Variants in CFAP299 observed in about 807,000 individuals in gnomAD.
The protein encoded by CFAP299 is cilia and flagella associated protein 299.
CFAP299 carries 21 observed loss-of-function variants against 27.0 expected under a neutral mutation model. The ratio of observed to expected loss-of-function variants is 0.78; its 90% CI spans 0.55 to 1.12. The LOEUF (loss-of-function observed/expected upper bound fraction) is 1.12. Ranked by LOEUF, CFAP299 falls within the 50% of genes most tolerant of loss-of-function variation. The pLI is 0.00. For missense variants in CFAP299, 310 were observed against 276.6 expected, an observed-to-expected ratio of 1.12 and a Z score of -0.86; for synonymous variants, 104 against 98.1, an observed-to-expected ratio of 1.06 and a Z score of -0.36.
intron 3 of CFAP299, among the ~76,000 whole-genome samples, chr4:80,657,203 T>C (rs540890212): frequency 1.3e-5 from 2 of 152,200 alleles, no homozygotes; most frequent in South Asian, 2.1e-4. Flanking sequence ...TGATAGTTTC[T>C]TTTGCTGTGC....
chr4:80,406,573 C>T (rs892910128), intron 2 of CFAP299, among the ~76,000 whole-genome samples: 1 of 152,014 alleles, frequency 6.6e-6, no homozygotes, highest in Non-Finnish European at 1.5e-5. Flanking sequence ...ACCATATTTC[C>T]CAGGCTGGTC....
intron 2 of CFAP299, among the ~76,000 whole-genome samples, chr4:80,519,442 A>ACTC (rs1732793611): frequency 2.0e-5 from 3 of 152,230 alleles, no homozygotes; most frequent in Admixed American, 6.5e-5. Flanking sequence ...CCTGATCTCA[A>ACTC]GTGATCCACC....
intron 3 of CFAP299, among the ~76,000 whole-genome samples, chr4:80,813,599 C>T (rs1176776296): frequency 6.6e-6 from 1 of 151,920 alleles, no homozygotes; most frequent in East Asian, 1.9e-4. Flanking sequence ...GGCTCCTTGA[C>T]TATATTTGTA....
chr4:80,324,218 T>C, the CFAP299 span, among the ~76,000 whole-genome samples: 1 of 152,282 alleles, frequency 6.6e-6, no homozygotes, highest in Non-Finnish European at 1.5e-5. Context: ...TTAAACTACA[T>C]TAAAAACTCA....
At chr4:80,904,711 C>T (rs1371635503) in intron 4 of CFAP299, among the ~76,000 whole-genome samples, 5 of 152,084 alleles carry the variant, frequency 3.3e-5, no homozygotes, top group Non-Finnish European at 5.9e-5. Flanking sequence ...TCTCATGGTT[C>T]AGCCTAGCTT....
At chr4:80,760,316 A>G (rs1343833563) in intron 3 of CFAP299, among the ~76,000 whole-genome samples, 1 of 152,230 alleles carries the variant, frequency 6.6e-6, no homozygotes, top group African/African-American at 2.4e-5. Context: ...GGAATTAGAC[A>G]TAACTGTAGG....
At chr4:80,671,276 G>T (rs2109993426) in intron 3 of CFAP299, among the ~76,000 whole-genome samples, 1 of 152,192 alleles carries the variant, frequency 6.6e-6, no homozygotes, top group South Asian at 2.1e-4. Context: ...TTTTTGTCAG[G>T]TTTGTCAAAG....
intron 3 of CFAP299, among the ~76,000 whole-genome samples, chr4:80,842,650 T>A (rs1259274551): frequency 2.6e-5 from 4 of 152,124 alleles, no homozygotes; most frequent in African/African-American, 7.2e-5. Context: ...TTAAGTGGGA[T>A]ATGGAAAGAC....
chr4:80,450,456 A>G (rs1158069014), intron 2 of CFAP299, among the ~76,000 whole-genome samples: 1 of 152,132 alleles, frequency 6.6e-6, no homozygotes, highest in Admixed American at 6.6e-5. Context: ...GAAGAATATT[A>G]TTTGTTCCAA....
chr4:80,620,215 A>G (rs974806732), intron 3 of CFAP299, among the ~76,000 whole-genome samples: 1 of 152,130 alleles, frequency 6.6e-6, no homozygotes, highest in Admixed American at 6.6e-5. Context: ...TGTGCAGTGG[A>G]TTTATAGACA....
At chr4:80,640,902 T>A (rs1577965456) in intron 3 of CFAP299, among the ~76,000 whole-genome samples, 1 of 152,334 alleles carries the variant, frequency 6.6e-6, no homozygotes, top group South Asian at 2.1e-4. Flanking sequence ...GAAAATATTT[T>A]ACATTTCAGT....
Position 80,689,253 on chromosome 4 carries a change from C to A in CFAP299, c.333+106070C>A, listed in dbSNP as rs373715504. On this transcript the variant is annotated intron_variant, in intron 3 of 5. Transcript: ENST00000358105. ...GACACATAATTGTCAGATTCACCAACGTTGAAATGAAGGAAAAAATGTTAA... is the reference window on the plus strand; with the variant it reads ...GACACATAATTGTCAGATTCACCAAAGTTGAAATGAAGGAAAAAATGTTAA... Among the ~76,000 whole-genome samples, 310 of 152,074 alleles carry A rather than the reference C, an allele frequency of 2.0e-3. 7 individuals are homozygous for A. The East Asian group carries it at 0.053, about 26-fold the overall frequency.
chr4:80,375,778 TAGGTTCTTGAACC>T (rs1395117785), intron 2 of CFAP299, among the ~76,000 whole-genome samples: 1 of 152,210 alleles, frequency 6.6e-6, no homozygotes, highest in Admixed American at 6.5e-5. Context: ...TGGAAATGGT[TAGGTTCTTGAACC>T]ACCAGTTTAC....
intron 2 of CFAP299, among the ~76,000 whole-genome samples, chr4:80,531,747 GTTTTTTTTTTTT>G (rs200507684): frequency 0.096 from 11,229 of 116,586 alleles, 680 homozygotes; most frequent in East Asian, 0.29. Context: ...TAAGATAGAA[GTTTTTTTTTTTT>G]TTTTTTTTTT....
chr4:80,605,520 C>A (rs1254862334), intron 3 of CFAP299, among the ~76,000 whole-genome samples: 3 of 152,120 alleles, frequency 2.0e-5, no homozygotes, highest in Non-Finnish European at 4.4e-5. Context: ...TACTACATCA[C>A]CTTTTAAATA....
chr4:80,548,472 G>C (rs1278282119), intron 2 of CFAP299, among the ~76,000 whole-genome samples: 1 of 152,108 alleles, frequency 6.6e-6, no homozygotes, highest in Non-Finnish European at 1.5e-5. Context: ...TTATTCGTAT[G>C]TCAAGCCTTA....
intron 2 of CFAP299, among the ~76,000 whole-genome samples, chr4:80,489,378 A>G (rs1001928967): frequency 6.6e-6 from 1 of 152,208 alleles, no homozygotes; most frequent in East Asian, 1.9e-4. Flanking sequence ...GTGGTGGTCA[A>G]TGTATCAGAA....
chr4:80,575,681 G>C (rs1735817622), intron 2 of CFAP299, among the ~76,000 whole-genome samples: 1 of 109,998 alleles, frequency 9.1e-6, no homozygotes, highest in South Asian at 2.8e-4. Flanking sequence ...CCAATTTTAG[G>C]TTTGTTTTGC....
chr4:80,857,440 A>G (rs1731984780), intron 3 of CFAP299, among the ~76,000 whole-genome samples: 1 of 152,090 alleles, frequency 6.6e-6, no homozygotes, highest in Non-Finnish European at 1.5e-5. Context: ...TTCCAACACT[A>G]TGTTGAATAG....
Sources: gnomAD v4.1 joint callset for allele counts (sites outside exome capture counted in the v4.1 genomes callset) on GRCh38, gnomAD v4.1.1 for gene constraint, MANE v1.5 for transcripts, NCBI Gene and HGNC (gene_info 2026-07-23, HGNC 2026-07-21) for gene names.